Variants in ARG1 observed in about 807,000 individuals in gnomAD.
The protein encoded by ARG1 is arginase 1.
A neutral mutation model predicts 33.0 loss-of-function variants in ARG1; 20 were observed. The ratio of observed to expected loss-of-function variants is 0.61; its 90% CI spans 0.43 to 0.88. ARG1 has a LOEUF of 0.88. Ranked by LOEUF, ARG1 falls within the 40% of genes least tolerant of loss-of-function variation. ARG1 has a pLI of 0.00. For missense variants in ARG1, 374 were observed against 384.7 expected (o/e 0.97, Z 0.23); for synonymous variants, 146 against 140.6 (o/e 1.04, Z -0.27).
chr6:131,584,158 G>T lies in ARG1; in HGVS notation c.*250G>T, dbSNP rs1408114429. The T allele has an allele frequency of 8.5e-6, 4 of 469,862 alleles. No individual in the cohort carries two copies. The highest frequency in any genetic ancestry group is 1.5e-5 in the Non-Finnish European group (4 of 265,470). 29.1% of individuals were successfully genotyped at this position (469,862 alleles called of 1,614,324 possible). A position where few individuals can be genotyped will look rare whatever the true frequency, so the allele number is the denominator to read the frequency against. ...ATCCTTAGAAAGAGAAGTGTACATT[G>T]ATTTCCAATTAAAAATTTGCTGGCA... On this transcript the variant is annotated 3_prime_UTR_variant, in exon 8 of 8. Transcript: ENST00000368087.
chr6:131,581,842 T>C (rs921839748), intron 4 of ARG1, among the ~76,000 whole-genome samples: 1 of 152,162 alleles, frequency 6.6e-6, no homozygotes, highest in Non-Finnish European at 1.5e-5. Flanking sequence ...GATATAATGG[T>C]TTATGAACTA....
chr6:131,575,521 G>A (rs967593510), intron 1 of ARG1, among the ~76,000 whole-genome samples: 1 of 152,088 alleles, frequency 6.6e-6, no homozygotes, highest in Non-Finnish European at 1.5e-5. Context: ...TTGCTGCCAG[G>A]GACAGGAATT....
chr6:131,575,977 G>A (rs1393510724), intron 1 of ARG1, among the ~76,000 whole-genome samples: 1 of 152,140 alleles, frequency 6.6e-6, no homozygotes, highest in African/African-American at 2.4e-5. Flanking sequence ...GTGAGTACAT[G>A]CACGTAGGTC....
At chr6:131,578,323 C>T (rs1773731358) in intron 2 of ARG1, among the ~76,000 whole-genome samples, 1 of 152,028 alleles carries the variant, frequency 6.6e-6, no homozygotes, top group Non-Finnish European at 1.5e-5. Context: ...GTTACTAAAT[C>T]AGATTCACAC....
At position 131,580,241 on chromosome 6, in the gene ARG1, G is replaced by T. The variant is rs188381217; in HGVS notation, c.305+956G>T. Among the ~76,000 whole-genome samples the T allele has an allele frequency of 2.0e-5, 3 of 152,238 alleles. No individual in the cohort carries two copies. In the East Asian group the frequency reaches 5.8e-4, roughly 29 times the overall value. On this transcript the variant is annotated intron_variant, in intron 3 of 7. Transcript: ENST00000368087. ...CTTCTAAAGCCAAACTGTCACCAAG[G>T]CCTCTGTATCAAAACTGCAATTGGG...
chr6:131,580,854 A>G (rs1773884274), intron 3 of ARG1, among the ~76,000 whole-genome samples: 1 of 152,160 alleles, frequency 6.6e-6, no homozygotes, highest in Admixed American at 6.5e-5. Context: ...AAATGATCCA[A>G]ATTTAACTCT....
chr6:131,574,483 TAAATATATAATTTAAA>T (rs1457371686), intron 1 of ARG1, among the ~76,000 whole-genome samples: 4 of 152,186 alleles, frequency 2.6e-5, no homozygotes, highest in African/African-American at 9.7e-5. Flanking sequence ...CAGGTTATAA[TAAATATATAATTTAAA>T]AACCTCACAA....
rs756819223 is a variant in ARG1 at position 131,583,736 on chromosome 6, T to C, written c.803-6T>C. On this transcript the variant is annotated splice_region_variant and splice_polypyrimidine_tract_variant and intron_variant, in intron 7 of 7. Transcript: ENST00000368087. ...TAAATTACATTATTACAATTTGTTG[T>C]TGTAGGGCTACTCTCAGGATTAGAT... 6.2e-7 allele frequency: 1 copy of C among 1,613,284 alleles called. No individual in the cohort carries two copies. The highest frequency in any genetic ancestry group is 1.7e-5 in the Admixed American group (1 of 60,028).
intron 5 of ARG1, 73 bp downstream of exon 5, chr6:131,582,788 C>A (rs1490667467): frequency 7.9e-7 from 1 of 1,266,878 alleles, no homozygotes; most frequent in Middle Eastern, 1.8e-4. Context: ...TACTGACCAA[C>A]TCTATGAGAG....
Position 131,581,224 on chromosome 6 carries a change from C to T in ARG1, c.311C>T (p.Ala104Val). The change falls in exon 4 of 8, where the codon GCA (alanine) becomes GTA (valine). Residue 104 changes from alanine to valine, a missense_variant. By Grantham distance (64) the Ala-to-Val change is moderately conservative. Coordinates refer to ENST00000368087, the MANE Select transcript of ARG1 (RefSeq NM_000045.4). Reference protein sequence around the residue: ...SLVLGGDHSLAIGSISGHARV... With the variant: ...SLVLGGDHSLVIGSISGHARV... ...CAAAATTTTTTCCCCAAAAGTTTGG[C>T]AATTGGAAGCATCTCTGGCCATGCC... 1 of 1,613,784 alleles carries T rather than the reference C, an allele frequency of 6.2e-7. No homozygotes were observed. The highest frequency in any genetic ancestry group is 8.5e-7 in the Non-Finnish European group (1 of 1,179,768).
At position 131,584,085 on chromosome 6, in the gene ARG1, C is replaced by A; in HGVS notation, c.*177C>A. On this transcript the variant is annotated 3_prime_UTR_variant, in exon 8 of 8. Coordinates refer to ENST00000368087, the MANE Select transcript of ARG1 (RefSeq NM_000045.4). Reference sequence around the variant, plus strand: ...AAAATTCAAGATGTGGAAATTCTAACTTTTTTGAAATTTAAAAGCTTATAT... The same window carrying A: ...AAAATTCAAGATGTGGAAATTCTAAATTTTTTGAAATTTAAAAGCTTATAT... 1 of 733,752 alleles carries A rather than the reference C, an allele frequency of 1.4e-6. No individual in the cohort carries two copies. Among genetic ancestry groups the A allele is most frequent in the Non-Finnish European group, 2.1e-6 (1 of 466,776 alleles). The allele number at this position is 733,752 out of a possible 1,614,324, so 45.5% of individuals were successfully genotyped here.
intron 2 of ARG1, 125 bp from the exon 3 acceptor site, chr6:131,578,986 C>T (rs1773773794): frequency 8.9e-7 from 1 of 1,123,340 alleles, no homozygotes; most frequent in African/African-American, 1.6e-5. Context: ...ATTTACAGAC[C>T]TTTCAGGTTT....
At chr6:131,581,182 C>A (rs921307877) in intron 3 of ARG1, 37 bp from the exon 4 acceptor site, 1 of 1,609,986 alleles carries the variant, frequency 6.2e-7, no homozygotes, top group Non-Finnish European at 8.5e-7. Flanking sequence ...AGTGACACTG[C>A]AAACCTGATG....
At chr6:131,583,188 A>G in intron 6 of ARG1, 24 bp downstream of exon 6, 1 of 1,605,016 alleles carries the variant, frequency 6.2e-7, no homozygotes, top group Non-Finnish European at 8.5e-7. Flanking sequence ...GTGTGTGCAC[A>G]CATGTGTGTG....
rs531117440 is a variant in ARG1 at position 131,579,014 on chromosome 6, G to A, written c.131-97G>A. 87 of 1,385,168 alleles carry A rather than the reference G, an allele frequency of 6.3e-5. 1 individual carries two copies. In the East Asian group the frequency reaches 1.9e-3, roughly 31 times the overall value. 85.8% of individuals were successfully genotyped at this position (1,385,168 alleles called of 1,614,324 possible). ...TCAGGTTTTTCCTTTGCTTATACTT[G>A]TGAATATATGCCTATTTTATACAAT... On this transcript the variant is annotated intron_variant, in intron 2 of 7. Coordinates refer to ENST00000368087, the MANE Select transcript of ARG1 (RefSeq NM_000045.4).
At chr6:131,583,706 T>C in intron 7 of ARG1, 36 bp from the exon 8 acceptor site, 3 of 1,601,912 alleles carry the variant, frequency 1.9e-6, no homozygotes, top group Non-Finnish European at 2.6e-6. Context: ...ATGTCAACTA[T>C]TTTATAAATT....
chr6:131,579,124 G>A lies in ARG1; in HGVS notation c.144G>A (p.Lys48=), dbSNP rs375655714. 6 of 1,614,110 alleles carry A rather than the reference G, an allele frequency of 3.7e-6. No individual in the cohort carries two copies. Among genetic ancestry groups the A allele is most frequent in the Non-Finnish European group, 4.2e-6 (5 of 1,179,996 alleles). Residue 48 remains lysine (K), a synonymous_variant, in exon 3 of 8, where the codon AAG becomes AAA. Transcript: ENST00000368087. ...EKLKEQECDV[K]DYGDLPFADI... ...TTTTAATTTTAGAGTGTGATGTGAAGGATTATGGGGACCTGCCCTTTGCTG... is the reference window on the plus strand; with the variant it reads ...TTTTAATTTTAGAGTGTGATGTGAAAGATTATGGGGACCTGCCCTTTGCTG...
chr6:131,574,399 C>T (rs755759100), intron 1 of ARG1: 36 of 1,330,744 alleles, frequency 2.7e-5, no homozygotes, highest in Non-Finnish European at 3.7e-5. Flanking sequence ...AAAAGTCTCT[C>T]CCAAACACAG....
In ARG1 at chr6:131,583,091, T is replaced by A; in HGVS notation, c.592T>A (p.Phe198Ile). The A allele has an allele frequency of 6.2e-7, 1 of 1,613,888 alleles. No individual in the cohort carries two copies. The highest frequency in any genetic ancestry group is 1.7e-5 in the Admixed American group (1 of 60,028). ...YILKTLGIKY[F>I]SMTEVDRLGI... Reference sequence around the variant, plus strand: ...TTTGAAAACTCTAGGCATTAAATACTTTTCAATGACTGAAGTGGACAGACT... The same window carrying A: ...TTTGAAAACTCTAGGCATTAAATACATTTCAATGACTGAAGTGGACAGACT... Residue 198 changes from phenylalanine to isoleucine, a missense_variant, in exon 6 of 8, where the codon TTT becomes ATT. Physicochemically the swap from Phe to Ile is conservative, Grantham distance 21. Coordinates refer to ENST00000368087, the MANE Select transcript of ARG1 (RefSeq NM_000045.4).
Sources: allele counts gnomAD v4.1 joint callset (sites outside exome capture counted in the v4.1 genomes callset), GRCh38; gene constraint gnomAD v4.1.1; transcripts MANE v1.5; gene names NCBI Gene and HGNC (gene_info 2026-07-23, HGNC 2026-07-21).